Variants in MUC3A observed in about 807,000 individuals in gnomAD.
MUC3A encodes the protein mucin-3A.
Under a neutral mutation model 109.0 loss-of-function variants are expected in MUC3A, and 109 were observed. The ratio of observed to expected loss-of-function variants is 1.00; its 90% CI spans 0.86 to 1.17. MUC3A has a LOEUF of 1.17. Among genes scored for constraint, MUC3A ranks in the 50% most tolerant of loss-of-function variants. MUC3A has a pLI of 0.00. For synonymous variants in MUC3A, 1,398 were observed against 981.4 expected, an observed-to-expected ratio of 1.42 and a Z score of -7.93; for missense variants, 3,537 against 2,469.4, an observed-to-expected ratio of 1.43 and a Z score of -9.16.
intron 6 of MUC3A, chr7:100,965,047 C>A: frequency 9.1e-7 from 1 of 1,093,248 alleles, no homozygotes; most frequent in Non-Finnish European, 1.3e-6. Context: ...AAAGAGACCC[C>A]CTGATTGTCA....
Position 100,952,453 on chromosome 7 carries a change from C to A in MUC3A, c.674C>A (p.Thr225Asn). Residue 225 changes from threonine (T) to asparagine (N), a missense_variant, in exon 2 of 12, where the codon ACC becomes AAC. By Grantham distance (65) the Thr-to-Asn change is moderately conservative. Transcript: ENST00000379458. ...ACTACAATCTCGTCTACAACTAGAA[C>A]CACAGAAAGGACTCCCCTGCCCACT... is the stretch of plus-strand genomic sequence containing the variant. Reference protein sequence around the residue: ...FHTTISSTTRTTERTPLPTGS... With the variant: ...FHTTISSTTRNTERTPLPTGS... 6.3e-7 allele frequency: 1 copy of A among 1,598,594 alleles called. No individual in the cohort carries two copies. Among genetic ancestry groups the A allele is most frequent in the Non-Finnish European group, 8.5e-7 (1 of 1,179,806 alleles).
intron 5 of MUC3A, chr7:100,964,461 A>AATAT (rs1195763952): frequency 6.2e-6 from 4 of 646,034 alleles, no homozygotes; most frequent in Non-Finnish European, 9.8e-6. Flanking sequence ...TTGTCTCTAT[A>AATAT]AAACACACAG....
In MUC3A at chr7:100,956,634, G is replaced by A. The variant is rs1476803514; in HGVS notation, c.4855G>A (p.Val1619Ile). ...AAGTGTCATTCCTTCATCTCCCACT[G>A]TCCAGAATACAGAAACCTCAATCTT... is the stretch of plus-strand genomic sequence containing the variant. ...PTSVIPSSPT[V>I]QNTETSIFVS... The change falls in exon 2 of 12, where the codon GTC (valine) becomes ATC (isoleucine). Residue 1619 changes from valine to isoleucine, a missense_variant. Physicochemically the swap from Val to Ile is conservative, Grantham distance 29. Transcript: ENST00000379458. The A allele has an allele frequency of 1.9e-5, 8 of 417,708 alleles. No individual in the cohort carries two copies. Among genetic ancestry groups the A allele is most frequent in the Non-Finnish European group, 2.9e-5 (7 of 239,268 alleles). 25.9% of individuals were successfully genotyped at this position (417,708 alleles called of 1,614,324 possible).
In MUC3A at chr7:100,959,841, A is replaced by C; in HGVS notation, c.8062A>C (p.Ile2688Leu). The change falls in exon 2 of 12, where the codon ATT (isoleucine) becomes CTT (leucine). Residue 2688 changes from isoleucine (I) to leucine (L), a missense_variant. By Grantham distance (5) the Ile-to-Leu change is conservative. Transcript: ENST00000379458. ...STIIWSSTPT[I>L]IMSSSPSSAS... ...CATCATCTGGTCCTCAACACCCACT[A>C]TTATCATGTCCTCTTCTCCATCTTC... The C allele has an allele frequency of 4.4e-6, 7 of 1,573,448 alleles. No individual in the cohort carries two copies. Among genetic ancestry groups the C allele is most frequent in the Non-Finnish European group, 6.0e-6 (7 of 1,167,634 alleles).
rs373027088 is a variant in MUC3A at position 100,959,900 on chromosome 7, T to C, written c.8121T>C (p.Ile2707=). Residue 2707 remains isoleucine (I), a synonymous_variant, in exon 2 of 12, where the codon ATT becomes ATC. Coordinates refer to ENST00000379458, the MANE Select transcript of MUC3A (RefSeq NM_005960.2). ...ASITPVFSTT[I]HSVPSSPYIF... is the part of the protein sequence containing the mutation. ...TAACTCCAGTGTTTTCCACTACCAT[T>C]CATTCTGTTCCTTCTTCACCATACA... 1.9e-4 allele frequency: 290 copies of C among 1,530,992 alleles called. No individual in the cohort carries two copies. The African/African-American group carries it at 2.1e-3, about 11-fold the overall frequency. 94.8% of individuals were successfully genotyped at this position (1,530,992 alleles called of 1,614,324 possible). A position where few individuals can be genotyped will look rare whatever the true frequency, so the allele number is the denominator to read the frequency against.
Position 100,964,811 on chromosome 7 carries a change from G to T in MUC3A, c.9350G>T (p.Ser3117Ile). The T allele has an allele frequency of 1.3e-6, 2 of 1,598,220 alleles. No individual in the cohort carries two copies. Among genetic ancestry groups the T allele is most frequent in the South Asian group, 1.1e-5 (1 of 91,076 alleles). The part of the protein sequence containing the change: ...TTLKEGLQNA[S>I]QDVNSCQDSQ... ...CTGAAGGAGGGGCTGCAGAACGCCA[G>T]CCAGGATGTGAACAGCTGCCAGGAC... Residue 3117 changes from serine (S) to isoleucine (I), a missense_variant, in exon 6 of 12, where the codon AGC becomes ATC. Physicochemically the swap from Ser to Ile is moderately radical, Grantham distance 142 (BLOSUM62 -2). Transcript: ENST00000379458.
At position 100,960,403 on chromosome 7, in the gene MUC3A, A is replaced by G; in HGVS notation, c.8624A>G (p.Asn2875Ser). 1.9e-6 allele frequency: 3 copies of G among 1,598,540 alleles called. No individual in the cohort carries two copies. Among genetic ancestry groups the G allele is most frequent in the Non-Finnish European group, 2.5e-6 (3 of 1,179,826 alleles). Reference sequence around the variant, plus strand: ...CCCACCAGTGAGACCTGGCTGAGCAACAGTTCTGTGATCCCCCTACCTCTT... The same window carrying G: ...CCCACCAGTGAGACCTGGCTGAGCAGCAGTTCTGTGATCCCCCTACCTCTT... Reference protein sequence around the residue: ...RLPTSETWLSNSSVIPLPLPG... With the variant: ...RLPTSETWLSSSSVIPLPLPG... The change falls in exon 2 of 12, where the codon AAC becomes AGC. Residue 2875 changes from asparagine to serine, a missense_variant. Asn to Ser is a conservative substitution (Grantham distance 46). Transcript: ENST00000379458.
In MUC3A at chr7:100,960,396, C is replaced by T; in HGVS notation, c.8617C>T (p.Leu2873=). ...TCGACTGCCCACCAGTGAGACCTGG[C>T]TGAGCAACAGTTCTGTGATCCCCCT... ...STRLPTSETW[L]SNSSVIPLPL... The change falls in exon 2 of 12, where the codon CTG becomes TTG. Residue 2873 remains leucine (L), a synonymous_variant. Coordinates refer to ENST00000379458, the MANE Select transcript of MUC3A (RefSeq NM_005960.2). The T allele has an allele frequency of 6.3e-7, 1 of 1,598,546 alleles. No individual in the cohort carries two copies. Among genetic ancestry groups the T allele is most frequent in the Non-Finnish European group, 8.5e-7 (1 of 1,179,830 alleles).
rs73714242 is a variant in MUC3A, at chr7:100,959,563, C to A, written c.7784C>A (p.Ala2595Glu). 6.5e-7 allele frequency: 1 copy of A among 1,545,696 alleles called. No individual in the cohort carries two copies. Among genetic ancestry groups the A allele is most frequent in the Non-Finnish European group, 8.7e-7 (1 of 1,146,892 alleles). The change falls in exon 2 of 12, where the codon GCA (alanine) becomes GAA (glutamate). Residue 2595 changes from alanine (A) to glutamate (E), a missense_variant. Physicochemically the swap from Ala to Glu is moderately radical, Grantham distance 107. Transcript: ENST00000379458. ...GCCACTGGGACCCAAACATCTCCTG[C>A]ACCTACTACTGTCACCTTTGGAAGT... Reference protein sequence around the residue: ...TSATGTQTSPAPTTVTFGSTD... With the variant: ...TSATGTQTSPEPTTVTFGSTD...
chr7:100,963,152 T>A lies in MUC3A; in HGVS notation c.9054T>A (p.Asp3018Glu). 1 of 1,598,206 alleles carries A rather than the reference T, an allele frequency of 6.3e-7. No individual in the cohort carries two copies. The highest frequency in any genetic ancestry group is 8.5e-7 in the Non-Finnish European group (1 of 1,179,716). The change falls in exon 4 of 12, where the codon GAT becomes GAA. Residue 3018 changes from aspartate (D) to glutamate (E), a missense_variant and splice_region_variant. Asp to Glu is a conservative substitution (Grantham distance 45, BLOSUM62 2). Coordinates refer to ENST00000379458, the MANE Select transcript of MUC3A (RefSeq NM_005960.2). ...TGGGGACATGCATGCTCTGTGTAGA[T>A]GTAGTGGAGACCGAGGTGGGCATGG... ...CEFAVEQVDL[D>E]VVETEVGMEV...
At position 100,958,955 on chromosome 7, in the gene MUC3A, C is replaced by T. The variant is rs1483917007; in HGVS notation, c.7176C>T (p.Leu2392=). The change falls in exon 2 of 12, where the codon CTC becomes CTT. Residue 2392 remains leucine, a synonymous_variant. Coordinates refer to ENST00000379458, the MANE Select transcript of MUC3A (RefSeq NM_005960.2). ...CCCCCTTACACAGTACTCCTGGCCT[C>T]ACTTCGTGGGTCACCACCACCAAGA... The part of the protein sequence containing the change: ...TETPLHSTPG[L]TSWVTTTKTT... 3 of 1,281,014 alleles carry T rather than the reference C, an allele frequency of 2.3e-6. No homozygotes were observed. The highest frequency in any genetic ancestry group is 3.3e-5 in the African/African-American group (1 of 30,346). The allele number at this position is 1,281,014 out of a possible 1,614,324, so 79.4% of individuals were successfully genotyped here.
In MUC3A at chr7:100,958,022, C is replaced by G; in HGVS notation, c.6243C>G (p.Thr2081=). 1 of 1,065,092 alleles carries G rather than the reference C, an allele frequency of 9.4e-7. No individual in the cohort carries two copies. The highest frequency in any genetic ancestry group is 1.4e-6 in the Non-Finnish European group (1 of 702,258). The allele number at this position is 1,065,092 out of a possible 1,614,324, so 66.0% of individuals were successfully genotyped here. Residue 2081 remains threonine (T), a synonymous_variant, in exon 2 of 12, where the codon ACC becomes ACG. Coordinates refer to ENST00000379458, the MANE Select transcript of MUC3A (RefSeq NM_005960.2). ...CTCTCAGCTACACTACCTCAATCAC[C>G]ACCACCGAGACCCCCTCACACAGTA... ...HSTLSYTTSI[T]TTETPSHSTL... is the part of the protein sequence containing the mutation.
chr7:100,965,834 G>C lies in MUC3A; in HGVS notation c.9579G>C (p.Gln3193His). The C allele has an allele frequency of 6.3e-7, 1 of 1,597,008 alleles. No individual in the cohort carries two copies. Among genetic ancestry groups the C allele is most frequent in the South Asian group, 1.1e-5 (1 of 90,940 alleles). The change falls in exon 8 of 12, where the codon CAG (glutamine) becomes CAC (histidine). Residue 3193 changes from glutamine to histidine, a missense_variant. Physicochemically the swap from Gln to His is conservative, Grantham distance 24. Coordinates refer to ENST00000379458, the MANE Select transcript of MUC3A (RefSeq NM_005960.2). ...ACGCCATCGACTGTCACCAGGGCCAGTGCGTTCTGGAGACGAGCGGTCCCA... is the reference window on the plus strand; with the variant it reads ...ACGCCATCGACTGTCACCAGGGCCACTGCGTTCTGGAGACGAGCGGTCCCA... Reference protein sequence around the residue: ...VDNAIDCHQGQCVLETSGPTC... With the variant: ...VDNAIDCHQGHCVLETSGPTC...
chr7:100,964,667 G>A, intron 5 of MUC3A, 28 bp from the exon 6 acceptor site: 1 of 1,580,502 alleles, frequency 6.3e-7, no homozygotes, highest in Non-Finnish European at 8.6e-7. Flanking sequence ...CCTGGCTGGG[G>A]CACTCTCTAA....
At position 100,967,124 on chromosome 7, in the gene MUC3A, C is replaced by CACATCTCTG; in HGVS notation, c.9939_9940insTCTGACATC (p.Ile3313_Lys3314insSerAspIle). On this transcript the variant is annotated inframe_insertion, in exon 12 of 12. Transcript: ENST00000379458. Reference sequence around the variant, plus strand: ...TCCCTCACTGTGACTCTGACAGGTGCACATCAAGAGACCCGAGATGACCTC... The same window carrying CACATCTCTG: ...TCCCTCACTGTGACTCTGACAGGTGCACATCTCTGACATCAAGAGACCCGAGATGACCTC... 1 of 1,598,550 alleles carries CACATCTCTG rather than the reference C, an allele frequency of 6.3e-7. No homozygotes were observed. Among genetic ancestry groups the CACATCTCTG allele is most frequent in the Non-Finnish European group, 8.5e-7 (1 of 1,179,818 alleles).
intron 8 of MUC3A, 28 bp downstream of exon 8, chr7:100,965,894 G>C: frequency 6.4e-7 from 1 of 1,570,160 alleles, no homozygotes; most frequent in Non-Finnish European, 8.6e-7. Context: ...ATCGGCATCA[G>C]CCGAGCCCCT....
chr7:100,965,872 G>A lies in MUC3A; in HGVS notation c.9611+6G>A. 1 of 1,589,332 alleles carries A rather than the reference G, an allele frequency of 6.3e-7. No individual in the cohort carries two copies. The highest frequency in any genetic ancestry group is 8.5e-7 in the Non-Finnish European group (1 of 1,173,750). On this transcript the variant is annotated splice_donor_region_variant and intron_variant, in intron 8 of 11. Coordinates refer to ENST00000379458, the MANE Select transcript of MUC3A (RefSeq NM_005960.2). ...ACGAGCGGTCCCACGTGTCGGTAAGGCCCCGCTCACCATCGGCATCAGCCG... is the reference window on the plus strand; with the variant it reads ...ACGAGCGGTCCCACGTGTCGGTAAGACCCCGCTCACCATCGGCATCAGCCG...
At position 100,954,990 on chromosome 7, in the gene MUC3A, A is replaced by AT; in HGVS notation, c.3211_3212insT (p.Thr1071IlefsTer14). On this transcript the variant is annotated frameshift_variant, in exon 2 of 12. Coordinates refer to ENST00000379458, the MANE Select transcript of MUC3A (RefSeq NM_005960.2). LOFTEE classifies it high-confidence loss of function. The stretch of plus-strand genomic sequence containing the variant: ...CACCCCTCTATCCACCTTGGTGACT[A>AT]CACTCCTCACTACCATCACCAGATC... 1 of 546,920 alleles carries AT rather than the reference A, an allele frequency of 1.8e-6. No individual in the cohort carries two copies. The allele number at this position is 546,920 out of a possible 1,614,324, so 33.9% of individuals were successfully genotyped here. A position where few individuals can be genotyped will look rare whatever the true frequency, so the allele number is the denominator to read the frequency against.
rs2116182050 is a variant in MUC3A, at chr7:100,957,776, C to CGAG, written c.5997_5998insGAG (p.Thr1999_Thr2000insGlu). The CGAG allele has an allele frequency of 8.4e-6, 6 of 713,286 alleles. No homozygotes were observed. Among genetic ancestry groups the CGAG allele is most frequent in the Admixed American group, 1.6e-4 (2 of 12,856 alleles). 44.2% of individuals were successfully genotyped at this position (713,286 alleles called of 1,614,324 possible). A position where few individuals can be genotyped will look rare whatever the true frequency, so the allele number is the denominator to read the frequency against. ...GCTACACTTCTTTGATCACCACAAC[C>CGAG]ACCACCACCTCACACAGTACTCCCA... On this transcript the variant is annotated inframe_insertion, in exon 2 of 12. Transcript: ENST00000379458.
Sources: allele counts gnomAD v4.1 joint callset, GRCh38; gene constraint gnomAD v4.1.1; transcripts MANE v1.5; gene names NCBI Gene and HGNC (gene_info 2026-07-23, HGNC 2026-07-21).